BMPR1A: variants seen among roughly 807,000 people sequenced by gnomAD.
The protein encoded by BMPR1A is bone morphogenetic protein receptor type-1A.
A neutral mutation model predicts 66.0 loss-of-function variants in BMPR1A; 7 were observed. That is an observed-to-expected ratio of 0.11 (90% CI 0.06 to 0.20). The LOEUF (loss-of-function observed/expected upper bound fraction) is 0.20. Among genes scored for constraint, BMPR1A ranks in the 10% least tolerant of loss-of-function variants. The probability of loss-of-function intolerance (pLI) is 1.00; values close to 1 mark genes in which losing one functional copy is unlikely to be tolerated. For synonymous variants in BMPR1A, 200 were observed against 229.7 expected (o/e 0.87, Z 1.17); for missense variants, 408 against 669.1 (o/e 0.61, Z 4.31).
intron 8 of BMPR1A, among the ~76,000 whole-genome samples, chr10:86,916,155 G>C (rs756242413): frequency 2.6e-5 from 4 of 152,200 alleles, no homozygotes; most frequent in Non-Finnish European, 5.9e-5. Context: ...AATTCTAAAA[G>C]TTGAGATAAG....
intron 1 of BMPR1A, among the ~76,000 whole-genome samples, chr10:86,814,229 G>A (rs1842005726): frequency 1.3e-5 from 2 of 151,906 alleles, no homozygotes; most frequent in South Asian, 2.1e-4. Flanking sequence ...CTAATTCCTG[G>A]GCTCAAGTGA....
intron 1 of BMPR1A, among the ~76,000 whole-genome samples, chr10:86,777,257 C>T (rs1010371952): frequency 1.3e-5 from 2 of 152,140 alleles, no homozygotes; most frequent in Non-Finnish European, 2.9e-5. Context: ...CTACTCTACA[C>T]TTGTACTTTT....
At chr10:86,931,991 T>C (rs1021445229), downstream of BMPR1A, 5 of 152,232 alleles carry the variant, frequency 3.3e-5, no homozygotes, top group African/African-American at 1.2e-4. Flanking sequence ...CAGCCAAATG[T>C]TTTATTTTGA....
At chr10:86,788,039 A>G (rs541637414) in intron 1 of BMPR1A, among the ~76,000 whole-genome samples, 1 of 152,326 alleles carries the variant, frequency 6.6e-6, no homozygotes, top group East Asian at 1.9e-4. Flanking sequence ...GACTAAATAC[A>G]TATTTTAGGG....
chr10:86,796,903 T>C (rs1841720198), intron 1 of BMPR1A, among the ~76,000 whole-genome samples: 1 of 152,168 alleles, frequency 6.6e-6, no homozygotes. Flanking sequence ...TTCTGTTTTG[T>C]CCTGTTCATA....
At chr10:86,912,468 A>T in intron 8 of BMPR1A, 84 bp downstream of exon 8, 1 of 1,523,058 alleles carries the variant, frequency 6.6e-7, no homozygotes, top group Non-Finnish European at 9.1e-7. Flanking sequence ...ATTATTGCAG[A>T]TCAGGGAACA....
At chr10:86,777,784 C>T (rs1334876011) in intron 1 of BMPR1A, among the ~76,000 whole-genome samples, 1 of 151,930 alleles carries the variant, frequency 6.6e-6, no homozygotes, top group African/African-American at 2.4e-5. Flanking sequence ...AAGGCTGAGG[C>T]AGGTGGATCA....
chr10:86,913,362 C>T (rs1451646610), intron 8 of BMPR1A, among the ~76,000 whole-genome samples: 4 of 149,660 alleles, frequency 2.7e-5, no homozygotes, highest in Non-Finnish European at 5.9e-5. Context: ...CTCCTGGCCT[C>T]AACTGATCCT....
At chr10:86,861,090 C>G (rs952670657) in intron 2 of BMPR1A, among the ~76,000 whole-genome samples, 2 of 152,114 alleles carry the variant, frequency 1.3e-5, no homozygotes, top group African/African-American at 2.4e-5. Flanking sequence ...ATCCGCCATC[C>G]TTGGCCTCCC....
intron 1 of BMPR1A, among the ~76,000 whole-genome samples, chr10:86,776,996 C>G (rs1192223795): frequency 6.6e-6 from 1 of 152,186 alleles, no homozygotes; most frequent in Non-Finnish European, 1.5e-5. Flanking sequence ...TGGCTCATGC[C>G]TTCTAGTGCC....
At chr10:86,881,083 CA>C (rs1012340684) in intron 3 of BMPR1A, among the ~76,000 whole-genome samples, 7 of 148,992 alleles carry the variant, frequency 4.7e-5, no homozygotes, top group East Asian at 2.0e-4. Flanking sequence ...CTGGTCTCTA[CA>C]AAAAAAAAAT....
At chr10:86,825,097 T>C (rs1842175283) in intron 1 of BMPR1A, among the ~76,000 whole-genome samples, 12 of 151,394 alleles carry the variant, frequency 7.9e-5, no homozygotes. Context: ...TTTTTTTCCT[T>C]GCTTTTTGTT....
intron 1 of BMPR1A, among the ~76,000 whole-genome samples, chr10:86,776,536 T>A (rs917618003): frequency 6.6e-6 from 1 of 152,176 alleles, no homozygotes; most frequent in Non-Finnish European, 1.5e-5. Context: ...ACACTGATTG[T>A]TTTTTGTAGT....
At position 86,883,864 on chromosome 10, in the gene BMPR1A, C is replaced by T. The variant is rs947836563; in HGVS notation, c.68-6198C>T. On this transcript the variant is annotated intron_variant, in intron 3 of 12. Transcript: ENST00000372037. ...TTCAACAGTGTAAACTTTGTTTGAG[C>T]GTATGACTTTTTTTTTTTTTTTTCT... Among the ~76,000 whole-genome samples, 22 of 128,936 alleles carry T rather than the reference C, an allele frequency of 1.7e-4. No homozygotes were observed. In the Admixed American group the frequency reaches 2.0e-3, roughly 12 times the overall value. The allele number at this position is 128,936 out of a possible 152,430, so 84.6% of individuals were successfully genotyped here.
chr10:86,873,438 T>TAA lies in BMPR1A; in HGVS notation c.-152-2415_-152-2414dup, dbSNP rs56028836. Among the ~76,000 whole-genome samples the TAA allele has an allele frequency of 3.6e-4, 49 of 136,924 alleles. No homozygotes were observed. The East Asian group carries it at 3.6e-3, about 10-fold the overall frequency. The allele number at this position is 136,924 out of a possible 152,430, so 89.8% of individuals were successfully genotyped here. A position where few individuals can be genotyped will look rare whatever the true frequency, so the allele number is the denominator to read the frequency against. ...CCCACCGCCCCCACCCCTATTAAAT[T>TAA]AAAAAAAAAAAAAAAGATGTTGTTG... On this transcript the variant is annotated intron_variant, in intron 2 of 12. Transcript: ENST00000372037.
At chr10:86,834,415 A>G (rs1275283814) in intron 1 of BMPR1A, among the ~76,000 whole-genome samples, 1 of 152,232 alleles carries the variant, frequency 6.6e-6, no homozygotes, top group African/African-American at 2.4e-5. Flanking sequence ...GCTGGATTCT[A>G]GGATACAGAA....
intron 2 of BMPR1A, among the ~76,000 whole-genome samples, chr10:86,859,319 A>G (rs922531914): frequency 1.3e-5 from 2 of 151,838 alleles, no homozygotes; most frequent in Admixed American, 6.6e-5. Context: ...TGAATCATCT[A>G]TTTTCTTTTA....
intron 7 of BMPR1A, among the ~76,000 whole-genome samples, chr10:86,907,488 T>G (rs189173260): frequency 2.6e-5 from 4 of 152,244 alleles, no homozygotes; most frequent in Non-Finnish European, 5.9e-5. Flanking sequence ...TTGGTATATA[T>G]CCAAAAGGAA....
At chr10:86,893,621 T>A (rs1005786620) in intron 5 of BMPR1A, among the ~76,000 whole-genome samples, 25 of 152,070 alleles carry the variant, frequency 1.6e-4, no homozygotes, top group African/African-American at 5.8e-4. Context: ...ACTCCGTCTC[T>A]ACTAAAAATA....
Sources: allele counts gnomAD v4.1 joint callset (sites outside exome capture counted in the v4.1 genomes callset), GRCh38; gene constraint gnomAD v4.1.1; transcripts MANE v1.5; gene names NCBI Gene and HGNC (gene_info 2026-07-23, HGNC 2026-07-21).